HSF2BP: variants seen among roughly 807,000 people sequenced by gnomAD.
HSF2BP encodes heat shock factor 2-binding protein.
HSF2BP carries 35 observed loss-of-function variants against 35.0 expected under a neutral mutation model. That is an observed-to-expected ratio of 1.00 (90% confidence interval 0.76 to 1.32). The LOEUF (loss-of-function observed/expected upper bound fraction) is 1.32. HSF2BP is among the 40% of genes most tolerant of loss of function. The probability of loss-of-function intolerance (pLI) is 0.00; values close to 1 mark genes in which losing one functional copy is unlikely to be tolerated. For synonymous variants in HSF2BP, 114 were observed against 117.4 expected (o/e 0.97, Z 0.18); for missense variants, 326 against 321.7 (o/e 1.01, Z -0.10).
chr21:43,572,038 C>G (rs1361687032), intron 8 of HSF2BP, among the ~76,000 whole-genome samples: 1 of 152,214 alleles, frequency 6.6e-6, no homozygotes, highest in African/African-American at 2.4e-5. Flanking sequence ...CTGCAGGACA[C>G]AGCAGACATT....
chr21:43,655,601 G>C (rs1282055788), intron 3 of HSF2BP, among the ~76,000 whole-genome samples: 1 of 152,130 alleles, frequency 6.6e-6, no homozygotes, highest in Non-Finnish European at 1.5e-5. Context: ...AGCAGGGAGG[G>C]AGCAGGAAGA....
intron 4 of HSF2BP, among the ~76,000 whole-genome samples, chr21:43,641,313 G>A (rs1331458995): frequency 1.3e-5 from 2 of 152,024 alleles, no homozygotes; most frequent in East Asian, 1.9e-4. Flanking sequence ...TTCTCCAACA[G>A]TTGTGCCTTT....
chr21:43,656,315 CA>C (rs2082867430), intron 3 of HSF2BP, among the ~76,000 whole-genome samples: 1 of 152,116 alleles, frequency 6.6e-6, no homozygotes, highest in Non-Finnish European at 1.5e-5. Context: ...TTTCAGTTAT[CA>C]AAAGTATAAA....
chr21:43,624,587 G>A (rs1015413382), intron 6 of HSF2BP, among the ~76,000 whole-genome samples: 1 of 152,158 alleles, frequency 6.6e-6, no homozygotes, highest in Non-Finnish European at 1.5e-5. Flanking sequence ...AAGGTGCTCT[G>A]CTGGTAACTT....
At chr21:43,654,182 ACTT>A (rs2082834856) in intron 3 of HSF2BP, among the ~76,000 whole-genome samples, 1 of 152,306 alleles carries the variant, frequency 6.6e-6, no homozygotes, top group East Asian at 1.9e-4. Flanking sequence ...GTGACTGCTA[ACTT>A]CTTATTCACT....
At position 43,592,215 on chromosome 21, in the gene HSF2BP, C is replaced by G; in HGVS notation, c.796+10G>C. The G allele has an allele frequency of 3.2e-6, 5 of 1,578,740 alleles. No individual in the cohort carries two copies. Among genetic ancestry groups the G allele is most frequent in the Non-Finnish European group, 4.4e-6 (5 of 1,147,908 alleles). On this transcript the variant is annotated intron_variant, in intron 8 of 8. Transcript: ENST00000291560. ...GTACAAGCAGCTGGACAGATAACCA[C>G]CCCCCTTACCACTCAAAAGCCACCA...
At chr21:43,590,074 A>G (rs1016912638) in intron 8 of HSF2BP, among the ~76,000 whole-genome samples, 7 of 152,242 alleles carry the variant, frequency 4.6e-5, no homozygotes, top group African/African-American at 1.7e-4. Context: ...AGATGCTCTT[A>G]AGAGAATGAA....
chr21:43,610,435 CAA>C (rs11382971), intron 7 of HSF2BP, among the ~76,000 whole-genome samples: 4 of 140,464 alleles, frequency 2.8e-5, no homozygotes, highest in Non-Finnish European at 3.1e-5. Context: ...CAAAAAATAC[CAA>C]AAAAAAAAAA....
At chr21:43,468,095 CCACACACCACAAACCA>C in the HSF2BP span, among the ~76,000 whole-genome samples, 1,620 of 134,556 alleles carry the variant, frequency 0.012, 15 homozygotes, top group African/African-American at 0.027. Flanking sequence ...ACACCACATA[CCACACACCACAAACCA>C]CACACACCAC....
chr21:43,607,056 A>G (rs1306897512), intron 7 of HSF2BP, among the ~76,000 whole-genome samples: 1 of 152,096 alleles, frequency 6.6e-6, no homozygotes, highest in East Asian at 1.9e-4. Flanking sequence ...GGAAGAGCCA[A>G]GGAAGGCGGA....
chr21:43,589,042 T>C (rs2081893284), intron 8 of HSF2BP, among the ~76,000 whole-genome samples: 1 of 152,206 alleles, frequency 6.6e-6, no homozygotes, highest in Non-Finnish European at 1.5e-5. Flanking sequence ...CAAGAACTTG[T>C]TATAGCAACA....
chr21:43,598,548 G>A, intron 7 of HSF2BP, among the ~76,000 whole-genome samples: 1 of 151,816 alleles, frequency 6.6e-6, no homozygotes, highest in East Asian at 1.9e-4. Flanking sequence ...AAAGTCCCTG[G>A]CAATGCTCTG....
At chr21:43,584,995 A>ATTAATTATTTATTTAT (rs1555856714) in intron 8 of HSF2BP, among the ~76,000 whole-genome samples, 15 of 151,592 alleles carry the variant, frequency 9.9e-5, no homozygotes, top group African/African-American at 3.6e-4. Flanking sequence ...ATTTTATTTA[A>ATTAATTATTTATTTAT]TTATTTATTT....
At chr21:43,592,392 C>A in intron 7 of HSF2BP, 64 bp from the exon 8 acceptor site, 2 of 1,049,116 alleles carry the variant, frequency 1.9e-6, no homozygotes, top group Non-Finnish European at 3.0e-6. Flanking sequence ...CCTAAACATA[C>A]CTACTAGTTA....
At chr21:43,637,396 T>G (rs2082577788) in intron 4 of HSF2BP, among the ~76,000 whole-genome samples, 1 of 152,158 alleles carries the variant, frequency 6.6e-6, no homozygotes, top group Admixed American at 6.5e-5. Flanking sequence ...TGCCTGGGGC[T>G]GTGCAAGAGA....
At chr21:43,467,953 CCACA>C in the HSF2BP span, among the ~76,000 whole-genome samples, 1 of 92,544 alleles carries the variant, frequency 1.1e-5, no homozygotes, top group Non-Finnish European at 2.3e-5. Context: ...ACCACACACA[CCACA>C]CTTACACCAC....
intron 7 of HSF2BP, among the ~76,000 whole-genome samples, chr21:43,595,439 G>A (rs1174807020): frequency 6.6e-6 from 1 of 151,910 alleles, no homozygotes; most frequent in Non-Finnish European, 1.5e-5. Context: ...TGGGCGGGCA[G>A]CTTGAGCCCA....
intron 8 of HSF2BP, among the ~76,000 whole-genome samples, chr21:43,582,080 G>C (rs1166121559): frequency 2.5e-4 from 30 of 121,968 alleles, no homozygotes; most frequent in African/African-American, 9.9e-4. Flanking sequence ...GGAGATGAGG[G>C]CCTGCTGTGG....
At chr21:43,619,443 C>T (rs970822755) in intron 6 of HSF2BP, among the ~76,000 whole-genome samples, 2 of 152,170 alleles carry the variant, frequency 1.3e-5, no homozygotes, top group African/African-American at 4.8e-5. Flanking sequence ...AACGAACATA[C>T]AGCAGCTCCA....
Sources: allele counts gnomAD v4.1 joint callset (sites outside exome capture counted in the v4.1 genomes callset), GRCh38; gene constraint gnomAD v4.1.1; transcripts MANE v1.5; gene names NCBI Gene and HGNC (gene_info 2026-07-23, HGNC 2026-07-21).